DNAH11: variants seen among roughly 807,000 people sequenced by gnomAD.
DNAH11 encodes the protein dynein axonemal heavy chain 11.
In DNAH11, 442 loss-of-function variants were observed where a neutral mutation model predicts 526.0. The ratio of observed to expected loss-of-function variants is 0.84; its 90% CI spans 0.78 to 0.91. The LOEUF (loss-of-function observed/expected upper bound fraction) is 0.91, where lower values mean the gene tolerates loss of function less well. Among genes scored for constraint, DNAH11 ranks in the 40% least tolerant of loss-of-function variants. The pLI, the probability that DNAH11 is intolerant of heterozygous loss-of-function variation, is 0.00. For synonymous variants in DNAH11, 2,461 were observed against 1,935.9 expected, an observed-to-expected ratio of 1.27 and a Z score of -7.12; for missense variants, 6,989 against 5,448.7, an observed-to-expected ratio of 1.28 and a Z score of -8.90.
intron 2 of DNAH11, 23 bp downstream of exon 2, chr7:21,545,172 T>G (rs759685350): frequency 5.7e-6 from 9 of 1,585,654 alleles, no homozygotes; most frequent in Non-Finnish European, 7.7e-6. Context: ...CTTTAATATT[T>G]AAAGCTTTCA....
Position 21,901,389 on chromosome 7 carries a change from AGAGTGAAAGTCAG to A in DNAH11, c.*136_*148del. On this transcript the variant is annotated 3_prime_UTR_variant, in exon 82 of 82. Transcript: ENST00000409508. ...GCATTCTTTTTTCAACGCTATCCTT[AGAGTGAAAGTCAG>A]AAAAAAATACTAGAAACTAACTCAG... The A allele has an allele frequency of 3.2e-5, 40 of 1,257,022 alleles. No individual in the cohort carries two copies. The highest frequency in any genetic ancestry group is 3.5e-5 in the Non-Finnish European group (34 of 971,346). 77.9% of individuals were successfully genotyped at this position (1,257,022 alleles called of 1,614,324 possible).
At chr7:21,734,705 A>T (rs1785528259) in intron 45 of DNAH11, among the ~76,000 whole-genome samples, 1 of 152,024 alleles carries the variant, frequency 6.6e-6, no homozygotes, top group Non-Finnish European at 1.5e-5. Context: ...AAAATACAAA[A>T]TAATTAGCTG....
intron 6 of DNAH11, among the ~76,000 whole-genome samples, chr7:21,568,312 T>G (rs1459240370): frequency 3.3e-5 from 5 of 152,144 alleles, no homozygotes; most frequent in Admixed American, 1.3e-4. Context: ...CTGGTGTGGT[T>G]AGGCGTGCTC....
At chr7:21,731,842 G>A (rs1200629826) in intron 45 of DNAH11, among the ~76,000 whole-genome samples, 1 of 152,108 alleles carries the variant, frequency 6.6e-6, no homozygotes, top group African/African-American at 2.4e-5. Flanking sequence ...GTTGTGTACT[G>A]CAATGCTTGC....
chr7:21,688,409 C>T (rs12669737), intron 34 of DNAH11, among the ~76,000 whole-genome samples: 44,386 of 152,014 alleles, frequency 0.29, 6,541 homozygotes, highest in East Asian at 0.49. Flanking sequence ...ACCCAACTCA[C>T]GTTAGGCATC....
At chr7:21,612,846 C>G (rs927110382) in intron 20 of DNAH11, among the ~76,000 whole-genome samples, 1 of 152,154 alleles carries the variant, frequency 6.6e-6, no homozygotes, top group African/African-American at 2.4e-5. Context: ...AAATAAGTTT[C>G]ACTTAACATT....
At chr7:21,765,776 G>T (rs751147371) in intron 55 of DNAH11, among the ~76,000 whole-genome samples, 187 bp downstream of exon 55, 4 of 152,094 alleles carry the variant, frequency 2.6e-5, no homozygotes, top group African/African-American at 7.2e-5. Context: ...GAATATGATG[G>T]CTGACCTTTT....
At chr7:21,627,087 G>C (rs2128456729) in intron 25 of DNAH11, among the ~76,000 whole-genome samples, 1 of 152,066 alleles carries the variant, frequency 6.6e-6, no homozygotes, top group South Asian at 2.1e-4. Flanking sequence ...CAAATATTTT[G>C]CCCATTTTAA....
In DNAH11 at chr7:21,725,952, C is replaced by G. The variant is rs779156590; in HGVS notation, c.7408C>G (p.Gln2470Glu). 1 of 1,557,804 alleles carries G rather than the reference C, an allele frequency of 6.4e-7. No homozygotes were observed. The highest frequency in any genetic ancestry group is 1.9e-5 in the Admixed American group (1 of 51,488). ...KLLPWADKIA[Q>E]FTMDPDVPLQ... ...ATTGCCCTGGGCTGACAAAATTGCC[C>G]AGTTTACTATGGATCCAGATGTGCC... The change falls in exon 45 of 82, where the codon CAG (glutamine) becomes GAG (glutamate). Residue 2470 changes from glutamine to glutamate, a missense_variant. Coordinates refer to ENST00000409508, the MANE Select transcript of DNAH11 (RefSeq NM_001277115.2).
chr7:21,810,008 C>T (rs1294169597), intron 63 of DNAH11, among the ~76,000 whole-genome samples: 2 of 152,140 alleles, frequency 1.3e-5, no homozygotes, highest in African/African-American at 4.8e-5. Flanking sequence ...TAACTGAAAT[C>T]AAACTCAGAT....
chr7:21,628,603 C>A (rs921270897), intron 25 of DNAH11, among the ~76,000 whole-genome samples: 3 of 152,108 alleles, frequency 2.0e-5, no homozygotes, highest in Admixed American at 2.0e-4. Flanking sequence ...TGTTGACTCA[C>A]ATAAGTTAAA....
At chr7:21,714,182 A>G (rs1784563476) in intron 42 of DNAH11, among the ~76,000 whole-genome samples, 1 of 152,212 alleles carries the variant, frequency 6.6e-6, no homozygotes, top group South Asian at 2.1e-4. Context: ...CAGTACATCA[A>G]AGGTCACGGG....
Position 21,574,564 on chromosome 7 carries a change from C to CTTTTTTTTTTT in DNAH11, c.1593+2598_1593+2608dup, listed in dbSNP as rs35535321. The stretch of plus-strand genomic sequence containing the variant: ...CCTCCCTCCCTCCCTCCCTTCCTTC[C>CTTTTTTTTTTT]TTTTTTTTTTTTTTTTTAAGACAGA... On this transcript the variant is annotated intron_variant, in intron 8 of 81. Coordinates refer to ENST00000409508, the MANE Select transcript of DNAH11 (RefSeq NM_001277115.2). 1.9e-4 allele frequency among the ~76,000 whole-genome samples: 24 copies of CTTTTTTTTTTT among 123,850 alleles called. 1 individual carries two copies. The highest frequency in any genetic ancestry group is 5.1e-4 in the African/African-American group (16 of 31,304). 81.3% of individuals were successfully genotyped at this position (123,850 alleles called of 152,430 possible). A position where few individuals can be genotyped will look rare whatever the true frequency, so the allele number is the denominator to read the frequency against.
intron 81 of DNAH11, among the ~76,000 whole-genome samples, chr7:21,900,653 T>C (rs1784756621): frequency 6.6e-6 from 1 of 152,180 alleles, no homozygotes; most frequent in Non-Finnish European, 1.5e-5. Flanking sequence ...CCACAAGTTC[T>C]GGTGTAAAAG....
At chr7:21,884,569 C>T (rs1784052754) in intron 76 of DNAH11, among the ~76,000 whole-genome samples, 159 bp downstream of exon 76, 2 of 152,142 alleles carry the variant, frequency 1.3e-5, no homozygotes, top group Admixed American at 1.3e-4. Flanking sequence ...CGGGTTCCAT[C>T]CCAGACCTAC....
At chr7:21,551,204 C>G (rs765550146) in intron 2 of DNAH11, among the ~76,000 whole-genome samples, 1 of 152,200 alleles carries the variant, frequency 6.6e-6, no homozygotes, top group Non-Finnish European at 1.5e-5. Context: ...TCCTTCTTCT[C>G]TCTGGTAAAC....
intron 44 of DNAH11, among the ~76,000 whole-genome samples, chr7:21,724,578 G>C (rs1250767907): frequency 6.7e-6 from 1 of 148,900 alleles, no homozygotes; most frequent in African/African-American, 2.5e-5. Flanking sequence ...ATGGATATAG[G>C]AGTCACTGCG....
chr7:21,651,677 C>T (rs968407014), intron 28 of DNAH11, among the ~76,000 whole-genome samples: 1 of 152,210 alleles, frequency 6.6e-6, no homozygotes, highest in Admixed American at 6.5e-5. Flanking sequence ...AAGAGGTTCT[C>T]CCTGTGCAGA....
chr7:21,607,461 A>G (rs989538038), intron 20 of DNAH11, among the ~76,000 whole-genome samples: 3 of 152,200 alleles, frequency 2.0e-5, no homozygotes, highest in Admixed American at 6.5e-5. Flanking sequence ...GTTGACAGTC[A>G]GTATTAACTA....
Sources: gnomAD v4.1 joint callset for allele counts (sites outside exome capture counted in the v4.1 genomes callset) on GRCh38, gnomAD v4.1.1 for gene constraint, MANE v1.5 for transcripts, NCBI Gene and HGNC (gene_info 2026-07-23, HGNC 2026-07-21) for gene names.